HSPA12A: variants seen among roughly 807,000 people sequenced by gnomAD.
HSPA12A encodes the protein heat shock protein family A (Hsp70) member 12A.
Under a neutral mutation model 69.2 loss-of-function variants are expected in HSPA12A, and 28 were observed. The ratio of observed to expected loss-of-function variants is 0.40; its 90% CI spans 0.30 to 0.55. HSPA12A has a LOEUF of 0.55. HSPA12A is among the 20% of genes least tolerant of loss of function. HSPA12A has a pLI of 0.38. For missense variants in HSPA12A, 686 were observed against 900.7 expected, an observed-to-expected ratio of 0.76 and a Z score of 3.05; for synonymous variants, 345 against 370.5, an observed-to-expected ratio of 0.93 and a Z score of 0.79.
chr10:116,707,148 T>TAG lies in HSPA12A; in HGVS notation c.126+51_126+52insCT, dbSNP rs1491475337. 21 of 969,178 alleles carry TAG rather than the reference T, an allele frequency of 2.2e-5. No individual in the cohort carries two copies. In the African/African-American group the frequency reaches 4.0e-4, roughly 19 times the overall value. 60.0% of individuals were successfully genotyped at this position (969,178 alleles called of 1,614,324 possible). ...ACGCACGTGTGCTCATGCGCACCCA[T>TAG]GCGCGCACACACACACACACACACA... is the stretch of plus-strand genomic sequence containing the variant. On this transcript the variant is annotated intron_variant, in intron 2 of 11. Coordinates refer to ENST00000369209, the MANE Select transcript of HSPA12A (RefSeq NM_025015.3).
At chr10:116,849,859 C>A (rs962203995), upstream of HSPA12A, 2 of 1,099,942 alleles carry the variant, frequency 1.8e-6, no homozygotes, top group Non-Finnish European at 1.3e-6. Context: ...CCTGGGCCTG[C>A]GTGTGCGGAG....
intron 1 of HSPA12A, among the ~76,000 whole-genome samples, chr10:116,731,136 T>C (rs1851140518): frequency 1.3e-5 from 2 of 152,250 alleles, no homozygotes; most frequent in South Asian, 2.1e-4. Flanking sequence ...AGTTGGTCCT[T>C]GTGCTTAGGC....
intron 5 of HSPA12A, chr10:116,698,131 A>AT (rs1461422614): frequency 6.6e-6 from 1 of 152,416 alleles, no homozygotes; most frequent in Non-Finnish European, 1.5e-5. Context: ...GGGCATGTGG[A>AT]TTTTTTCCGA....
intron 1 of HSPA12A, among the ~76,000 whole-genome samples, chr10:116,734,798 C>T (rs1419017884): frequency 1.3e-5 from 2 of 151,978 alleles, no homozygotes; most frequent in African/African-American, 2.4e-5. Context: ...TCGAGACCAT[C>T]CTAGCTAACA....
At chr10:116,794,138 G>T (rs568429500) in intron 2 of HSPA12A, among the ~76,000 whole-genome samples, 11 of 152,152 alleles carry the variant, frequency 7.2e-5, no homozygotes, top group Non-Finnish European at 1.2e-4. Context: ...CCGGGAGGTG[G>T]AGCTTGCAGT....
At chr10:116,833,750 T>C (rs964889171) in intron 2 of HSPA12A, among the ~76,000 whole-genome samples, 1 of 152,254 alleles carries the variant, frequency 6.6e-6, no homozygotes, top group Non-Finnish European at 1.5e-5. Context: ...GTTTTCTCCT[T>C]AAGCAATTTT....
rs550628027 is a variant in HSPA12A, at chr10:116,717,444, A to T, written c.41-10159T>A. Among the ~76,000 whole-genome samples, 406 of 152,228 alleles carry T rather than the reference A, an allele frequency of 2.7e-3. 2 individuals are homozygous for T. The highest frequency in any genetic ancestry group is 9.1e-3 in the African/African-American group (376 of 41,534). On this transcript the variant is annotated intron_variant, in intron 1 of 11. Coordinates refer to ENST00000369209, the MANE Select transcript of HSPA12A (RefSeq NM_025015.3). ...CGTATTCTTTGGTCTGCAAAGCTCT[A>T]TTTCGAAAACCATAATTCTCTCTCA...
Position 116,762,098 on chromosome 10 carries a change from C to T in HSPA12A, c.92-54813G>A, listed in dbSNP as rs1554889342. ...ACATGCTAGGCACTGTGCTAGGCTC[C>T]AAATACAGCGTGGCCCTTGTCCTCA... On this transcript the variant is annotated intron_variant, in intron 2 of 12. Transcript: ENST00000635765. Among the ~76,000 whole-genome samples, 6 of 152,328 alleles carry T rather than the reference C, an allele frequency of 3.9e-5. No homozygotes were observed. The South Asian group carries it at 1.0e-3, about 26-fold the overall frequency.
intron 1 of HSPA12A, among the ~76,000 whole-genome samples, chr10:116,843,090 G>T (rs1350355142): frequency 1.3e-5 from 2 of 152,196 alleles, no homozygotes; most frequent in Admixed American, 1.3e-4. Flanking sequence ...TTGAACAAAT[G>T]ACTGGAAGGC....
intron 1 of HSPA12A, among the ~76,000 whole-genome samples, chr10:116,737,732 G>A (rs1038246623): frequency 7.2e-5 from 11 of 152,212 alleles, no homozygotes; most frequent in East Asian, 1.9e-4. Flanking sequence ...TGCCAGCCCC[G>A]CAGGACATCT....
intron 2 of HSPA12A, among the ~76,000 whole-genome samples, chr10:116,807,940 G>A (rs887424830): frequency 3.3e-5 from 5 of 152,196 alleles, no homozygotes; most frequent in Non-Finnish European, 5.9e-5. Flanking sequence ...GAAGGCAGGA[G>A]GATCAGTCAG....
At position 116,672,324 on chromosome 10, in the gene HSPA12A, G is replaced by A. The variant is rs562808574; in HGVS notation, c.*2457C>T. 5 of 152,316 alleles carry A rather than the reference G, an allele frequency of 3.3e-5. No homozygotes were observed. The highest frequency in any genetic ancestry group is 2.0e-4 in the Admixed American group (3 of 15,302). 9.4% of individuals were successfully genotyped at this position (152,316 alleles called of 1,614,324 possible). ...AGGGTTTCTTAGGTTGTTCTGCGCAGTCACATGGCTTCCAGAACCAGAACG... is the reference window on the plus strand; with the variant it reads ...AGGGTTTCTTAGGTTGTTCTGCGCAATCACATGGCTTCCAGAACCAGAACG... On this transcript the variant is annotated 3_prime_UTR_variant, in exon 12 of 12. Transcript: ENST00000369209.
intron 2 of HSPA12A, among the ~76,000 whole-genome samples, chr10:116,705,927 G>A (rs1421466629): frequency 2.3e-5 from 3 of 129,678 alleles, no homozygotes; most frequent in East Asian, 2.2e-4. Flanking sequence ...ACGGAGTCTC[G>A]CTCTGTCGCC....
chr10:116,684,832 G>A (rs1849528327), intron 6 of HSPA12A, among the ~76,000 whole-genome samples: 1 of 152,166 alleles, frequency 6.6e-6, no homozygotes, highest in Admixed American at 6.5e-5. Context: ...TCTGCTCTGT[G>A]ACATCTGACC....
chr10:116,830,023 T>C (rs1237255535), intron 2 of HSPA12A: 1 of 152,220 alleles, frequency 6.6e-6, no homozygotes, highest in East Asian at 1.9e-4. Flanking sequence ...TTCACCACCA[T>C]TAACAAGCTC....
rs1399380912 is a variant in HSPA12A at position 116,795,572 on chromosome 10, G to C, written c.91+39363C>G. On this transcript the variant is annotated intron_variant, in intron 2 of 12. Transcript: ENST00000635765. The stretch of plus-strand genomic sequence containing the variant: ...GTGGTGGAACGTGCCTGTAATCCCA[G>C]CTACTCAGGAGGCTGGGGCAGGAGA... Among the ~76,000 whole-genome samples the C allele has an allele frequency of 2.7e-5, 4 of 149,644 alleles. No homozygotes were observed. In the South Asian group the frequency reaches 6.3e-4, roughly 24 times the overall value.
rs1305989823 is a variant in HSPA12A, at chr10:116,693,481, A to G, written c.547-1014T>C. ...AAAACACATGAGGGAATGCTGGCCCAAAGACCTCTGATAAATGCCAGTTCT... is the reference window on the plus strand; with the variant it reads ...AAAACACATGAGGGAATGCTGGCCCGAAGACCTCTGATAAATGCCAGTTCT... On this transcript the variant is annotated intron_variant, in intron 5 of 11. Coordinates refer to ENST00000369209, the MANE Select transcript of HSPA12A (RefSeq NM_025015.3). Among the ~76,000 whole-genome samples, 4 of 152,196 alleles carry G rather than the reference A, an allele frequency of 2.6e-5. No individual in the cohort carries two copies. In the East Asian group the frequency reaches 7.7e-4, roughly 29 times the overall value.
chr10:116,823,366 G>GC (rs1015394942), intron 2 of HSPA12A, among the ~76,000 whole-genome samples: 14 of 152,166 alleles, frequency 9.2e-5, no homozygotes, highest in Admixed American at 7.9e-4. Flanking sequence ...AAATGGCAAT[G>GC]CCCCCCCAAA....
chr10:116,693,034 A>T (rs1849779475), intron 5 of HSPA12A, among the ~76,000 whole-genome samples: 2 of 152,174 alleles, frequency 1.3e-5, no homozygotes, highest in Non-Finnish European at 2.9e-5. Flanking sequence ...AGAAAGTAGC[A>T]GAGCCAAAAT....
Sources: allele counts gnomAD v4.1 joint callset (sites outside exome capture counted in the v4.1 genomes callset), GRCh38; gene constraint gnomAD v4.1.1; transcripts MANE v1.5; gene names NCBI Gene and HGNC (gene_info 2026-07-23, HGNC 2026-07-21).